GHR: variants seen among roughly 807,000 people sequenced by gnomAD.
GHR encodes the protein GH receptor.
Under a neutral mutation model 67.1 loss-of-function variants are expected in GHR, and 35 were observed. The ratio of observed to expected loss-of-function variants is 0.52; its 90% CI spans 0.40 to 0.69. The LOEUF (loss-of-function observed/expected upper bound fraction) is 0.69. Ranked by LOEUF, GHR falls within the 30% of genes least tolerant of loss-of-function variation. The probability of loss-of-function intolerance (pLI) is 0.00; values close to 1 mark genes in which losing one functional copy is unlikely to be tolerated. For synonymous variants in GHR, 272 were observed against 269.1 expected (o/e 1.01, Z -0.10); for missense variants, 792 against 764.6 (o/e 1.04, Z -0.42).
intron 1 of GHR, among the ~76,000 whole-genome samples, chr5:42,479,353 G>T (rs1420830649): frequency 2.0e-5 from 3 of 151,920 alleles, no homozygotes; most frequent in Admixed American, 6.6e-5. Context: ...TCTCTTTTTT[G>T]GTTGTGTCTC....
rs1487489972 is a variant in GHR, at chr5:42,590,155, C to A, written c.70+24211C>A. On this transcript the variant is annotated intron_variant, in intron 2 of 9. Coordinates refer to ENST00000230882, the MANE Select transcript of GHR (RefSeq NM_000163.5). ...ATAAGTGAGAAGTAATTGCTCTTTA[C>A]TCTCAATTATAGCTGGGCAAGTACA... Among the ~76,000 whole-genome samples, 9 of 152,184 alleles carry A rather than the reference C, an allele frequency of 5.9e-5. 1 individual carries two copies. Among genetic ancestry groups the A allele is most frequent in the Admixed American group, 5.9e-4 (9 of 15,268 alleles).
At chr5:42,467,144 C>A in intron 1 of GHR, 1 of 1,600,338 alleles carries the variant, frequency 6.2e-7, no homozygotes, top group Non-Finnish European at 8.6e-7. Context: ...AAAGGAAGAT[C>A]TCCACTGTGA....
chr5:42,426,619 C>A (rs1385028971), intron 1 of GHR, among the ~76,000 whole-genome samples: 1 of 152,152 alleles, frequency 6.6e-6, no homozygotes, highest in Non-Finnish European at 1.5e-5. Flanking sequence ...CCTATAATTT[C>A]TGTGGTAATT....
At chr5:42,499,163 G>C (rs1746435794) in intron 1 of GHR, among the ~76,000 whole-genome samples, 1 of 152,152 alleles carries the variant, frequency 6.6e-6, no homozygotes, top group African/African-American at 2.4e-5. Flanking sequence ...GCTATGTCGA[G>C]GCAGCAGGTG....
intron 1 of GHR, among the ~76,000 whole-genome samples, chr5:42,478,227 G>T (rs921106888): frequency 6.6e-6 from 1 of 152,034 alleles, no homozygotes; most frequent in East Asian, 1.9e-4. Flanking sequence ...GGCTCCGTTC[G>T]GTTCCATTGG....
chr5:42,452,558 A>G (rs1204066725), intron 1 of GHR, among the ~76,000 whole-genome samples: 7 of 152,120 alleles, frequency 4.6e-5, no homozygotes, highest in Admixed American at 4.6e-4. Flanking sequence ...ACTGTTTAAT[A>G]TAGTCCCAAA....
intron 1 of GHR, among the ~76,000 whole-genome samples, chr5:42,481,342 T>C (rs974759687): frequency 2.0e-5 from 3 of 152,232 alleles, no homozygotes; most frequent in East Asian, 3.8e-4. Context: ...ATTTCAACTT[T>C]GGTGAATCTG....
intron 2 of GHR, among the ~76,000 whole-genome samples, chr5:42,573,221 G>A (rs1260995116): frequency 6.6e-6 from 1 of 152,140 alleles, no homozygotes; most frequent in Non-Finnish European, 1.5e-5. Context: ...TGTCACTGAT[G>A]CTCTCATCTC....
chr5:42,502,051 CATTGGTGCTCACATATAAAA>C (rs1746562051), intron 1 of GHR, among the ~76,000 whole-genome samples: 1 of 152,102 alleles, frequency 6.6e-6, no homozygotes, highest in African/African-American at 2.4e-5. Context: ...TTTGCTTGCC[CATTGGTGCTCACATATAAAA>C]ACTCCGTGGG....
intron 2 of GHR, among the ~76,000 whole-genome samples, chr5:42,603,936 G>A (rs919961590): frequency 6.6e-6 from 1 of 152,132 alleles, no homozygotes; most frequent in African/African-American, 2.4e-5. Context: ...TTACTGACTG[G>A]CTATAAACTG....
chr5:42,675,147 C>T (rs1241424268), intron 3 of GHR, among the ~76,000 whole-genome samples: 1 of 152,168 alleles, frequency 6.6e-6, no homozygotes, highest in Admixed American at 6.5e-5. Flanking sequence ...CATCTCAAAA[C>T]ACTGCTTATG....
chr5:42,545,226 C>T (rs978323629), intron 1 of GHR, among the ~76,000 whole-genome samples: 9 of 152,270 alleles, frequency 5.9e-5, no homozygotes, highest in Middle Eastern at 6.8e-3. Flanking sequence ...GGACTTTATT[C>T]TCAATCTAAT....
chr5:42,583,878 G>GAGATAT (rs1751327841), intron 2 of GHR, among the ~76,000 whole-genome samples: 1 of 138,960 alleles, frequency 7.2e-6, no homozygotes, highest in Non-Finnish European at 1.6e-5. Flanking sequence ...TTTAAATAAA[G>GAGATAT]ATATATATAT....
chr5:42,604,759 G>T (rs930348087), intron 2 of GHR, among the ~76,000 whole-genome samples: 2 of 147,942 alleles, frequency 1.4e-5, no homozygotes, highest in African/African-American at 2.5e-5. Context: ...TTATTTCCAT[G>T]ATTTCTGTTT....
chr5:42,605,758 T>C (rs563587463), intron 2 of GHR, among the ~76,000 whole-genome samples: 1 of 152,378 alleles, frequency 6.6e-6, no homozygotes, highest in African/African-American at 2.4e-5. Context: ...AGCTTGGTTA[T>C]GTTTCTGGAG....
At chr5:42,709,029 G>A (rs192712871) in intron 6 of GHR, among the ~76,000 whole-genome samples, 14 of 152,244 alleles carry the variant, frequency 9.2e-5, no homozygotes, top group South Asian at 4.1e-4. Flanking sequence ...AAGCACAGGC[G>A]TCATAAGCAG....
intron 1 of GHR, among the ~76,000 whole-genome samples, chr5:42,463,554 A>G (rs1744577792): frequency 6.6e-6 from 1 of 152,224 alleles, no homozygotes; most frequent in Non-Finnish European, 1.5e-5. Flanking sequence ...AAAATTTTCA[A>G]ATGGGACAAA....
chr5:42,556,058 C>T (rs1353936774), intron 1 of GHR, among the ~76,000 whole-genome samples: 1 of 152,050 alleles, frequency 6.6e-6, no homozygotes, highest in African/African-American at 2.4e-5. Flanking sequence ...CATTGCCTCA[C>T]TCTTGGTTTC....
At chr5:42,513,052 A>G (rs1050426043) in intron 1 of GHR, among the ~76,000 whole-genome samples, 1 of 152,286 alleles carries the variant, frequency 6.6e-6, no homozygotes, top group African/African-American at 2.4e-5. Context: ...TTAAAACACT[A>G]TCCCCTCTGA....
Sources: allele counts gnomAD v4.1 joint callset (sites outside exome capture counted in the v4.1 genomes callset), GRCh38; gene constraint gnomAD v4.1.1; transcripts MANE v1.5; gene names NCBI Gene and HGNC (gene_info 2026-07-23, HGNC 2026-07-21).